The following UPF2 variants were observed in gnomAD, a reference collection of about 807,000 sequenced individuals.
The protein encoded by UPF2 is regulator of nonsense transcripts 2.
A neutral mutation model predicts 141.4 loss-of-function variants in UPF2; 17 were observed. The ratio of observed to expected loss-of-function variants is 0.12; its 90% CI spans 0.08 to 0.18. The LOEUF is 0.18. Ranked by LOEUF, UPF2 falls within the 10% of genes least tolerant of loss-of-function variation. UPF2 has a pLI of 1.00. For synonymous variants in UPF2, 540 were observed against 498.0 expected (o/e 1.08, Z -1.12); for missense variants, 1,152 against 1,515.9 (o/e 0.76, Z 3.99).
At chr10:11,938,863 T>TTTTTTTTTTTTTTTTTTG (rs1832894326) in intron 18 of UPF2, among the ~76,000 whole-genome samples, 1 of 81,080 alleles carries the variant, frequency 1.2e-5, no homozygotes, top group Non-Finnish European at 2.4e-5. Flanking sequence ...GTTTTTTTTT[T>TTTTTTTTTTTTTTTTTTG]TTTTTTTTTT....
chr10:11,979,675 G>A lies in UPF2; in HGVS notation c.1845-510C>T, dbSNP rs977589019. Among the ~76,000 whole-genome samples, 14 of 152,184 alleles carry A rather than the reference G, an allele frequency of 9.2e-5. No homozygotes were observed. Among genetic ancestry groups the A allele is most frequent in the African/African-American group, 3.4e-4 (14 of 41,436 alleles). On this transcript the variant is annotated intron_variant, in intron 8 of 21. Coordinates refer to ENST00000357604, the MANE Select transcript of UPF2 (RefSeq NM_015542.4). The surrounding 1 kb of genome is among the most constrained non-coding windows in gnomAD (Gnocchi z 6.2). ...TAATCCCAGCACTTTGGGAGGCCGA[G>A]GCAGGCAGATCATGAGGTAAAGAGA... is the stretch of plus-strand genomic sequence containing the variant.
At position 12,035,118 on chromosome 10, in the gene UPF2, T is replaced by C; in HGVS notation, c.306A>G (p.Arg102=). ...GTTTGGCCTGCTCTTCTTGCTTCTT[T>C]CTCTCTTCCTCTTGATGTTTCTTTT... The part of the protein sequence containing the change: ...EEKKKHQEEE[R]KKQEEQAKRQ... Residue 102 remains arginine (R), a synonymous_variant, in exon 2 of 22, where the codon AGA becomes AGG. Transcript: ENST00000357604. 3 of 1,590,760 alleles carry C rather than the reference T, an allele frequency of 1.9e-6. No homozygotes were observed. Among genetic ancestry groups the C allele is most frequent in the Non-Finnish European group, 2.6e-6 (3 of 1,174,838 alleles).
intron 1 of UPF2, 192 bp from the exon 2 acceptor site, chr10:12,035,633 T>A: frequency 1.7e-6 from 1 of 592,468 alleles, no homozygotes; most frequent in Non-Finnish European, 2.6e-6. Context: ...CATTATTAGT[T>A]AGGCCTATGT....
chr10:12,001,828 G>T lies in UPF2; in HGVS notation c.1505-3C>A. On this transcript the variant is annotated splice_polypyrimidine_tract_variant and splice_region_variant and intron_variant, in intron 5 of 21. Transcript: ENST00000357604. ...ATTCTCCTTAGATTCTTTTGCCTCT[G>T]TTGAAAAACAAACAAGTATACCTAA... 6.3e-7 allele frequency: 1 copy of T among 1,581,606 alleles called. No homozygotes were observed. Among genetic ancestry groups the T allele is most frequent in the Non-Finnish European group, 8.6e-7 (1 of 1,167,132 alleles).
At chr10:11,924,453 A>G (rs1186645993) in intron 21 of UPF2, among the ~76,000 whole-genome samples, 2 of 152,058 alleles carry the variant, frequency 1.3e-5, no homozygotes, top group African/African-American at 4.8e-5. Context: ...TGGACTGCAT[A>G]CCTGTAATCC....
chr10:11,988,850 T>C (rs1028061460), intron 8 of UPF2, among the ~76,000 whole-genome samples: 7 of 152,184 alleles, frequency 4.6e-5, no homozygotes, highest in Non-Finnish European at 7.3e-5. Flanking sequence ...CTATCAGACA[T>C]CACTGTCACT....
At chr10:11,947,935 G>A (rs1833024073) in intron 16 of UPF2, among the ~76,000 whole-genome samples, 1 of 151,504 alleles carries the variant, frequency 6.6e-6, no homozygotes, top group African/African-American at 2.4e-5. Flanking sequence ...CATACTACTA[G>A]TTACATTTAC....
At position 11,979,063 on chromosome 10, in the gene UPF2, T is replaced by C. The variant is rs878929560; in HGVS notation, c.1947A>G (p.Arg649=). The C allele has an allele frequency of 1.9e-6, 3 of 1,611,084 alleles. No homozygotes were observed. In the Admixed American group the frequency reaches 5.0e-5, roughly 27 times the overall value. ...DLCSMLRGDF[R]FHVRKKDQIN... ...TAAATGCTTAAATACATACATGAAATCTGAAATCCCCCCTCAGCATGGAAC... is the reference window on the plus strand; with the variant it reads ...TAAATGCTTAAATACATACATGAAACCTGAAATCCCCCCTCAGCATGGAAC... Residue 649 remains arginine, a synonymous_variant, in exon 9 of 22, where the codon AGA becomes AGG. Transcript: ENST00000357604. The surrounding 1 kb of genome is among the most constrained non-coding windows in gnomAD (Gnocchi z 6.2).
At chr10:11,997,616 T>A in intron 8 of UPF2, 56 bp downstream of exon 8, 1 of 1,490,000 alleles carries the variant, frequency 6.7e-7, no homozygotes. Context: ...ATTTTGATCT[T>A]ACAGCCAGCA....
rs1832857563 is a variant in UPF2 at position 11,936,834 on chromosome 10, C to T, written c.3379-122G>A. Reference sequence around the variant, plus strand: ...AACACAACAATCATAAGAGCCATAACAGTCAACAATTACAACCACCATAAT... The same window carrying T: ...AACACAACAATCATAAGAGCCATAATAGTCAACAATTACAACCACCATAAT... On this transcript the variant is annotated intron_variant, in intron 18 of 21. Coordinates refer to ENST00000357604, the MANE Select transcript of UPF2 (RefSeq NM_015542.4). This position sits in a 1 kb window ranked among gnomAD's most constrained non-coding sequence, Gnocchi z 6.6. 2.1e-6 allele frequency: 2 copies of T among 959,932 alleles called. No individual in the cohort carries two copies. The highest frequency in any genetic ancestry group is 2.9e-6 in the Non-Finnish European group (2 of 685,404). 59.5% of individuals were successfully genotyped at this position (959,932 alleles called of 1,614,324 possible).
At position 11,953,431 on chromosome 10, in the gene UPF2, G is replaced by C. The variant is rs1833103370; in HGVS notation, c.2851-1182C>G. ...TCTAATACTAAACTGTACACTCCATGTTCTGGGTGAAACACACAGACCTCA... is the reference window on the plus strand; with the variant it reads ...TCTAATACTAAACTGTACACTCCATCTTCTGGGTGAAACACACAGACCTCA... On this transcript the variant is annotated intron_variant, in intron 14 of 21. Coordinates refer to ENST00000357604, the MANE Select transcript of UPF2 (RefSeq NM_015542.4). The surrounding 1 kb of genome is among the most constrained non-coding windows in gnomAD (Gnocchi z 5.0). Among the ~76,000 whole-genome samples, 1 of 152,164 alleles carries C rather than the reference G, an allele frequency of 6.6e-6. No individual in the cohort carries two copies.
At chr10:11,938,866 T>TTTTTTTTTTTTTTTTTTTTTTTTG (rs1832895630) in intron 18 of UPF2, among the ~76,000 whole-genome samples, 1 of 88,652 alleles carries the variant, frequency 1.1e-5, no homozygotes, top group African/African-American at 3.7e-5. Flanking sequence ...TTTTTTTTTT[T>TTTTTTTTTTTTTTTTTTTTTTTTG]TTTTTTTTTT....
chr10:12,004,543 T>C lies in UPF2; in HGVS notation c.1491A>G (p.Lys497=). 1.2e-6 allele frequency: 2 copies of C among 1,611,744 alleles called. No individual in the cohort carries two copies. The highest frequency in any genetic ancestry group is 1.7e-6 in the Non-Finnish European group (2 of 1,179,206). ...EKSCQNKESN[K]DDTKEAKESK... ...TCTAGAATTTACCTTTGGTATCATCTTTGTTGGACTCTTTATTCTGACAAC... is the reference window on the plus strand; with the variant it reads ...TCTAGAATTTACCTTTGGTATCATCCTTGTTGGACTCTTTATTCTGACAAC... Residue 497 remains lysine (K), a synonymous_variant, in exon 5 of 22, where the codon AAA becomes AAG. Transcript: ENST00000357604.
chr10:11,985,827 T>A (rs550373919), intron 8 of UPF2, among the ~76,000 whole-genome samples: 1 of 150,710 alleles, frequency 6.6e-6, no homozygotes, highest in South Asian at 2.1e-4. Context: ...TTAAGCCAGA[T>A]GGGTATTTCA....
chr10:11,926,363 G>A (rs1396028650), intron 21 of UPF2, among the ~76,000 whole-genome samples: 2 of 152,154 alleles, frequency 1.3e-5, no homozygotes, highest in African/African-American at 4.8e-5. Flanking sequence ...TGTGAGATCT[G>A]GGCTGGAGAC....
In UPF2 at chr10:12,042,013, G is replaced by C. The variant is rs1834743762; in HGVS notation, c.-19+742C>G. ...TTCCTTAGTCCAACAGTCCTAGCAA[G>C]AAGAGAGTGCTTGGCGCCTTGAAGA... On this transcript the variant is annotated intron_variant, in intron 1 of 21. Transcript: ENST00000357604. This position sits in a 1 kb window ranked among gnomAD's most constrained non-coding sequence, Gnocchi z 5.5. Among the ~76,000 whole-genome samples the C allele has an allele frequency of 6.6e-6, 1 of 152,116 alleles. No individual in the cohort carries two copies. The highest frequency in any genetic ancestry group is 6.5e-5 in the Admixed American group (1 of 15,268).
At chr10:11,928,775 TTA>T (rs1341829895) in intron 21 of UPF2, 4 of 291,712 alleles carry the variant, frequency 1.4e-5, no homozygotes, top group Non-Finnish European at 2.7e-5. Context: ...TTCAAATTCT[TTA>T]TAGAGTTTTA....
intron 2 of UPF2, among the ~76,000 whole-genome samples, chr10:12,034,800 G>A (rs1161741424): frequency 2.6e-5 from 4 of 152,006 alleles, no homozygotes; most frequent in Admixed American, 2.6e-4. Context: ...GCAAAATTCC[G>A]TCTCAAAATA....
At chr10:11,934,795 G>C (rs1228610955) in intron 19 of UPF2, among the ~76,000 whole-genome samples, 1 of 152,038 alleles carries the variant, frequency 6.6e-6, no homozygotes, top group Non-Finnish European at 1.5e-5. Context: ...TCACTATGTT[G>C]GTCAGGCTGG....
Sources: allele counts gnomAD v4.1 joint callset (sites outside exome capture counted in the v4.1 genomes callset), GRCh38; gene constraint gnomAD v4.1.1; non-coding constraint Gnocchi (gnomAD v3.1); transcripts MANE v1.5; gene names NCBI Gene and HGNC (gene_info 2026-07-23, HGNC 2026-07-21).